The following CLTCL1 variants were observed in gnomAD, a reference collection of about 807,000 sequenced individuals.
CLTCL1 encodes clathrin heavy chain 2.
CLTCL1 carries 159 observed loss-of-function variants against 190.0 expected under a neutral mutation model. The observed-to-expected ratio is 0.84, with a 90% CI of 0.74 to 0.95. CLTCL1 has a LOEUF of 0.95. CLTCL1 is among the 40% of genes least tolerant of loss of function. CLTCL1 has a pLI of 0.00. For missense variants in CLTCL1, 1,878 were observed against 2,033.4 expected (o/e 0.92, Z 1.47); for synonymous variants, 752 against 769.6 (o/e 0.98, Z 0.38).
At chr22:19,217,868 A>AG (rs1291862553) in intron 18 of CLTCL1, among the ~76,000 whole-genome samples, 1 of 150,580 alleles carries the variant, frequency 6.6e-6, no homozygotes, top group African/African-American at 2.4e-5. Context: ...AAAAAAAAAA[A>AG]GAAAGAAAGA....
rs1555937991 is a variant in CLTCL1, at chr22:19,199,770, A to G, written c.3837T>C (p.His1279=). 3 of 1,595,422 alleles carry G rather than the reference A, an allele frequency of 1.9e-6. No homozygotes were observed. The highest frequency in any genetic ancestry group is 3.5e-5 in the Admixed American group (2 of 57,366). The change falls in exon 24 of 33, where the codon CAT becomes CAC. Residue 1279 remains histidine (H), a synonymous_variant. Transcript: ENST00000427926. ...ACATCAGCTCCTCCAGCTCATCTGC[A>G]TGAATGACGATGTGAAGACCACACA... ...AQLCGLHIVI[H]ADELEELMCY...
At chr22:19,244,899 T>C (rs1344987587) in intron 3 of CLTCL1, among the ~76,000 whole-genome samples, 4 of 152,122 alleles carry the variant, frequency 2.6e-5, no homozygotes, top group Non-Finnish European at 5.9e-5. Flanking sequence ...ATAAGTAAAA[T>C]ATGACACAGG....
chr22:19,223,832 TCTGC>T, intron 14 of CLTCL1, 55 bp downstream of exon 14: 16 of 1,600,760 alleles, frequency 1.0e-5, no homozygotes, highest in Non-Finnish European at 1.4e-5. Context: ...CTGCGGATGG[TCTGC>T]CCCACCTGCC....
rs201700885 is a variant in CLTCL1 at position 19,235,775 on chromosome 22, C to G, written c.890G>C (p.Arg297Pro). 7 of 1,613,846 alleles carry G rather than the reference C, an allele frequency of 4.3e-6. No individual in the cohort carries two copies. In the African/African-American group the frequency reaches 9.3e-5, roughly 22 times the overall value. ...LESGVCICMN[R>P]ISADTIFVTA... ...GACAAATATTGTGTCAGCACTAATA[C>G]GGTTCATGCAGATGCACACGCCAGA... is the stretch of plus-strand genomic sequence containing the variant. The change falls in exon 6 of 33, where the codon CGT becomes CCT. Residue 297 changes from arginine to proline, a missense_variant. Physicochemically the swap from Arg to Pro is moderately radical, Grantham distance 103 (BLOSUM62 -2). Transcript: ENST00000427926.
At chr22:19,286,300 G>A (rs991751524) in intron 1 of CLTCL1, among the ~76,000 whole-genome samples, 2 of 151,640 alleles carry the variant, frequency 1.3e-5, no homozygotes, top group African/African-American at 4.8e-5. Context: ...CACCCTGGCT[G>A]AGGCAGGTTA....
intron 11 of CLTCL1, among the ~76,000 whole-genome samples, chr22:19,227,516 C>T (rs1206544): frequency 0.62 from 92,925 of 149,614 alleles, 29,067 homozygotes; most frequent in South Asian, 0.75. Context: ...AGTGGCATGA[C>T]CCCACCCTGC....
chr22:19,261,219 T>C (rs1257931997), intron 2 of CLTCL1, among the ~76,000 whole-genome samples: 1 of 152,036 alleles, frequency 6.6e-6, no homozygotes, highest in African/African-American at 2.4e-5. Context: ...TTCACGCCAT[T>C]CTCCTGCCTC....
At chr22:19,247,495 G>A (rs537547099) in intron 3 of CLTCL1, among the ~76,000 whole-genome samples, 1 of 152,286 alleles carries the variant, frequency 6.6e-6, no homozygotes, top group South Asian at 2.1e-4. Flanking sequence ...CAAACATGAT[G>A]ATTTCTTTGT....
intron 2 of CLTCL1, among the ~76,000 whole-genome samples, chr22:19,263,948 C>A (rs2087037735): frequency 6.6e-6 from 1 of 151,854 alleles, no homozygotes; most frequent in Non-Finnish European, 1.5e-5. Context: ...GGGTTAATAT[C>A]CAGAATATAT....
At chr22:19,224,735 A>G (rs928686676) in intron 13 of CLTCL1, among the ~76,000 whole-genome samples, 5 of 152,086 alleles carry the variant, frequency 3.3e-5, no homozygotes, top group Admixed American at 1.3e-4. Flanking sequence ...GCTCCACTCA[A>G]TCGTCTGCCA....
chr22:19,201,050 A>G (rs1409060927), intron 23 of CLTCL1, among the ~76,000 whole-genome samples: 4 of 152,230 alleles, frequency 2.6e-5, no homozygotes, highest in African/African-American at 9.7e-5. Flanking sequence ...GATTATGCAA[A>G]TAAGGTGACA....
At chr22:19,284,641 C>G (rs552387181) in intron 1 of CLTCL1, among the ~76,000 whole-genome samples, 118 of 151,992 alleles carry the variant, frequency 7.8e-4, no homozygotes, top group African/African-American at 2.8e-3. Flanking sequence ...GCCTGGGCAA[C>G]AAGAGTGAAA....
Position 19,184,259 on chromosome 22 carries a change from G to A in CLTCL1, c.4606-648C>T, listed in dbSNP as rs1451005044. 4 of 331,790 alleles carry A rather than the reference G, an allele frequency of 1.2e-5. No homozygotes were observed. The East Asian group carries it at 3.4e-4, about 28-fold the overall frequency. The allele number at this position is 331,790 out of a possible 1,614,324, so 20.6% of individuals were successfully genotyped here. A position where few individuals can be genotyped will look rare whatever the true frequency, so the allele number is the denominator to read the frequency against. On this transcript the variant is annotated intron_variant, in intron 29 of 32. Coordinates refer to ENST00000427926, the MANE Select transcript of CLTCL1 (RefSeq NM_007098.4). ...TACCCCATTCAGAGACCAGGAACCTGAGACCCAGATGTAGTCACTTGCCCA... is the reference window on the plus strand; with the variant it reads ...TACCCCATTCAGAGACCAGGAACCTAAGACCCAGATGTAGTCACTTGCCCA...
chr22:19,190,876 C>T (rs2084478520), intron 27 of CLTCL1, among the ~76,000 whole-genome samples: 1 of 151,500 alleles, frequency 6.6e-6, no homozygotes, highest in Non-Finnish European at 1.5e-5. Flanking sequence ...CTCCCGGGTT[C>T]ACGCCATTCT....
intron 1 of CLTCL1, among the ~76,000 whole-genome samples, chr22:19,276,313 T>A (rs1377088757): frequency 3.3e-5 from 5 of 152,184 alleles, no homozygotes; most frequent in Admixed American, 1.3e-4. Context: ...GCTTAAACAT[T>A]TCCCTAGATA....
Position 19,209,118 on chromosome 22 carries a change from G to A in CLTCL1, c.3250-4C>T. The A allele has an allele frequency of 6.3e-7, 1 of 1,583,806 alleles. No individual in the cohort carries two copies. The highest frequency in any genetic ancestry group is 8.6e-7 in the Non-Finnish European group (1 of 1,162,458). On this transcript the variant is annotated splice_region_variant and splice_polypyrimidine_tract_variant and intron_variant, in intron 20 of 32. Transcript: ENST00000427926. The stretch of plus-strand genomic sequence containing the variant: ...TTCCAATGTGCTCGATCAGGACCTA[G>A]GGGTTATGAGAGGACTTCCATTCTC...
chr22:19,283,991 CA>C (rs1221211147), intron 1 of CLTCL1, among the ~76,000 whole-genome samples: 4,894 of 62,456 alleles, frequency 0.078, 95 homozygotes, highest in East Asian at 0.28. Flanking sequence ...GACCCTGTCT[CA>C]AAAAAAAAAA....
At position 19,207,835 on chromosome 22, in the gene CLTCL1, T is replaced by C. The variant is rs919755577; in HGVS notation, c.3600+319A>G. ...CTTATGAAAACCTAATGCCTGCTGA[T>C]CTGTCACTGTCTCCATCATCCCCAG... On this transcript the variant is annotated intron_variant, in intron 22 of 32. Transcript: ENST00000427926. 2.0e-5 allele frequency among the ~76,000 whole-genome samples: 3 copies of C among 152,178 alleles called. No homozygotes were observed. The East Asian group carries it at 5.8e-4, about 29-fold the overall frequency.
intron 27 of CLTCL1, among the ~76,000 whole-genome samples, chr22:19,190,822 G>A (rs569093451): frequency 7.6e-4 from 114 of 149,996 alleles, no homozygotes; most frequent in African/African-American, 2.7e-3. Context: ...CTGTCACCCA[G>A]GCTGGAGTGC....
Sources: gnomAD v4.1 joint callset for allele counts (sites outside exome capture counted in the v4.1 genomes callset) on GRCh38, gnomAD v4.1.1 for gene constraint, MANE v1.5 for transcripts, NCBI Gene and HGNC (gene_info 2026-07-23, HGNC 2026-07-21) for gene names.